SLC25A12: variants seen among roughly 807,000 people sequenced by gnomAD.
SLC25A12 encodes solute carrier family 25 member 12.
In SLC25A12, 32 loss-of-function variants were observed where a neutral mutation model predicts 83.3. The ratio of observed to expected loss-of-function variants is 0.38; its 90% CI spans 0.29 to 0.52. SLC25A12 has a LOEUF of 0.52. Ranked by LOEUF, SLC25A12 falls within the 20% of genes least tolerant of loss-of-function variation. The pLI is 0.84. For missense variants in SLC25A12, 611 were observed against 835.6 expected (o/e 0.73, Z 3.31); for synonymous variants, 267 against 291.1 (o/e 0.92, Z 0.84).
chr2:171,802,921 A>G (rs1683739351), intron 13 of SLC25A12, among the ~76,000 whole-genome samples: 1 of 152,214 alleles, frequency 6.6e-6, no homozygotes, highest in Non-Finnish European at 1.5e-5. Context: ...TGCATTTCCA[A>G]TCAGGAAGTC....
At chr2:171,844,551 A>G in intron 4 of SLC25A12, 43 bp from the exon 5 acceptor site, 1 of 1,383,844 alleles carries the variant, frequency 7.2e-7, no homozygotes, top group Non-Finnish European at 1.0e-6. Context: ...ATCTGGAATA[A>G]GTAGTTTAAA....
intron 14 of SLC25A12, 98 bp downstream of exon 14, chr2:171,793,529 C>T (rs1179409235): frequency 1.9e-5 from 24 of 1,250,842 alleles, no homozygotes; most frequent in Non-Finnish European, 2.7e-5. Flanking sequence ...CACAGACTAC[C>T]CTGCTGGACA....
At chr2:171,841,123 A>C (rs1000891862) in intron 5 of SLC25A12, among the ~76,000 whole-genome samples, 1 of 152,246 alleles carries the variant, frequency 6.6e-6, no homozygotes, top group Admixed American at 6.5e-5. Context: ...TCTGTCGCCC[A>C]GGCTGGAGTG....
At chr2:171,794,128 A>G (rs1683548957) in intron 13 of SLC25A12, among the ~76,000 whole-genome samples, 2 of 152,256 alleles carry the variant, frequency 1.3e-5, no homozygotes, top group Admixed American at 6.5e-5. Flanking sequence ...AATGAAAGAA[A>G]AAGAGATAGT....
chr2:171,830,378 T>C (rs139347631), intron 8 of SLC25A12, among the ~76,000 whole-genome samples: 2 of 152,318 alleles, frequency 1.3e-5, no homozygotes, highest in African/African-American at 4.8e-5. Flanking sequence ...TGAAGAGATA[T>C]TCTCTAAATT....
chr2:171,848,270 ACTC>A, intron 4 of SLC25A12: 3 of 469,848 alleles, frequency 6.4e-6, no homozygotes, highest in Non-Finnish European at 1.3e-5. Flanking sequence ...TGGCCAGAGA[ACTC>A]CTCCTGTAGG....
At chr2:171,888,093 C>A in intron 2 of SLC25A12, among the ~76,000 whole-genome samples, 1 of 148,908 alleles carries the variant, frequency 6.7e-6, no homozygotes, top group East Asian at 2.0e-4. Context: ...TTTCTTTTTT[C>A]CTTTTTTTTT....
intron 17 of SLC25A12, among the ~76,000 whole-genome samples, chr2:171,785,727 C>T (rs1015490091): frequency 5.3e-5 from 8 of 152,106 alleles, no homozygotes; most frequent in African/African-American, 1.9e-4. Flanking sequence ...ATAAACAAAT[C>T]CATAGGAAAA....
intron 10 of SLC25A12, 70 bp from the exon 11 acceptor site, chr2:171,813,567 T>C: frequency 6.8e-7 from 1 of 1,477,908 alleles, no homozygotes; most frequent in South Asian, 1.1e-5. Context: ...GGATGACAAA[T>C]CTTATCTTAA....
At chr2:171,888,348 C>T (rs1013655473) in intron 2 of SLC25A12, among the ~76,000 whole-genome samples, 1 of 151,960 alleles carries the variant, frequency 6.6e-6, no homozygotes, top group Middle Eastern at 3.4e-3. Context: ...ATCCTCCCAC[C>T]TCAGCCTCGC....
chr2:171,842,462 C>T (rs753646016), intron 5 of SLC25A12, among the ~76,000 whole-genome samples: 20 of 151,968 alleles, frequency 1.3e-4, no homozygotes, highest in Non-Finnish European at 2.4e-4. Flanking sequence ...GGCATAGTGG[C>T]GCACACCTGT....
intron 10 of SLC25A12, among the ~76,000 whole-genome samples, chr2:171,814,015 T>G (rs967861066): frequency 6.6e-6 from 1 of 152,182 alleles, no homozygotes; most frequent in Non-Finnish European, 1.5e-5. Context: ...CCTATCCCTA[T>G]GTATAGAATT....
intron 2 of SLC25A12, among the ~76,000 whole-genome samples, chr2:171,876,924 C>A (rs553926502): frequency 6.6e-6 from 1 of 152,312 alleles, no homozygotes; most frequent in South Asian, 2.1e-4. Context: ...CATAAAGTAG[C>A]TGACAGTATC....
Position 171,888,789 on chromosome 2 carries a change from A to T in SLC25A12, c.66+4416T>A, listed in dbSNP as rs563269467. Among the ~76,000 whole-genome samples, 30 of 152,298 alleles carry T rather than the reference A, an allele frequency of 2.0e-4. 1 individual carries two copies. In the South Asian group the frequency reaches 6.0e-3, roughly 30 times the overall value. The stretch of plus-strand genomic sequence containing the variant: ...CTTTTGACCCATGGCTCAAAAGTTT[A>T]ACAAAATATTCTTATTTGAAAGTAG... On this transcript the variant is annotated intron_variant, in intron 2 of 17. Transcript: ENST00000422440.
At chr2:171,845,996 C>A (rs2105896810) in intron 4 of SLC25A12, 2 of 242,010 alleles carry the variant, frequency 8.3e-6, no homozygotes, top group East Asian at 1.2e-4. Flanking sequence ...AAAGATGATC[C>A]TTAAATCTAT....
chr2:171,801,096 T>TA (rs1424405943), intron 13 of SLC25A12, among the ~76,000 whole-genome samples: 1 of 152,140 alleles, frequency 6.6e-6, no homozygotes, highest in Non-Finnish European at 1.5e-5. Context: ...TAATTATACC[T>TA]AAAAAACCAA....
intron 13 of SLC25A12, among the ~76,000 whole-genome samples, chr2:171,805,258 G>C (rs556129780): frequency 6.6e-6 from 1 of 151,918 alleles, no homozygotes; most frequent in African/African-American, 2.4e-5. Flanking sequence ...GTAGGAACGC[G>C]CCACTTCACC....
chr2:171,860,138 A>G (rs1402424627), intron 3 of SLC25A12, among the ~76,000 whole-genome samples: 10 of 152,200 alleles, frequency 6.6e-5, no homozygotes, highest in Admixed American at 5.2e-4. Flanking sequence ...CTTAAAAATG[A>G]TTAAAATGGT....
At chr2:171,789,238 CTTTTT>C (rs912606831) in intron 15 of SLC25A12, among the ~76,000 whole-genome samples, 4 of 149,336 alleles carry the variant, frequency 2.7e-5, no homozygotes, top group African/African-American at 7.4e-5. Context: ...GCCTGACTCT[CTTTTT>C]TTTTTGAGAC....
Sources: allele counts gnomAD v4.1 joint callset (sites outside exome capture counted in the v4.1 genomes callset), GRCh38; gene constraint gnomAD v4.1.1; transcripts MANE v1.5; gene names NCBI Gene and HGNC (gene_info 2026-07-23, HGNC 2026-07-21).